Variants in CLIP4 observed in about 807,000 individuals in gnomAD.
CLIP4 encodes the protein CAP-Gly domain containing linker protein family member 4, also known as CAP-Gly domain-containing linker protein 4.
Under a neutral mutation model 73.1 loss-of-function variants are expected in CLIP4, and 47 were observed. The observed-to-expected ratio is 0.64, with a 90% confidence interval of 0.51 to 0.82. The LOEUF is 0.82. CLIP4 is among the 40% of genes least tolerant of loss of function. CLIP4 has a pLI of 0.00. For missense variants in CLIP4, 874 were observed against 852.9 expected, an observed-to-expected ratio of 1.02 and a Z score of -0.31; for synonymous variants, 306 against 295.4, an observed-to-expected ratio of 1.04 and a Z score of -0.37.
At chr2:29,165,375 G>A (rs1667541539) in intron 13 of CLIP4, among the ~76,000 whole-genome samples, 1 of 151,936 alleles carries the variant, frequency 6.6e-6, no homozygotes, top group African/African-American at 2.4e-5. Context: ...CCTGTTTACT[G>A]CTCTCCAGTA....
Position 29,172,353 on chromosome 2 carries a change from G to T in CLIP4, c.1724-2020G>T, listed in dbSNP as rs139960900. ...ATTTCTTTTAGAAAGGGTCTGTTGG[G>T]TAACAAACTCTTTGTTTTTGTCTTT... On this transcript the variant is annotated intron_variant, in intron 14 of 15. Coordinates refer to ENST00000320081, the MANE Select transcript of CLIP4 (RefSeq NM_024692.6). Among the ~76,000 whole-genome samples the T allele has an allele frequency of 1.3e-3, 202 of 152,162 alleles. 1 individual carries two copies. The highest frequency in any genetic ancestry group is 4.4e-3 in the African/African-American group (184 of 41,528).
intron 1 of CLIP4, among the ~76,000 whole-genome samples, chr2:29,099,714 G>A (rs1365335103): frequency 6.6e-6 from 1 of 152,168 alleles, no homozygotes; most frequent in African/African-American, 2.4e-5. Context: ...GAATCAGTTT[G>A]TCAACATGTA....
At chr2:29,165,640 C>T (rs564621189) in intron 13 of CLIP4, among the ~76,000 whole-genome samples, 1 of 152,164 alleles carries the variant, frequency 6.6e-6, no homozygotes, top group Non-Finnish European at 1.5e-5. Flanking sequence ...TTACTTTGGG[C>T]ATATCTTCAT....
intron 1 of CLIP4, among the ~76,000 whole-genome samples, chr2:29,098,217 T>C (rs1667932911): frequency 6.6e-6 from 1 of 152,238 alleles, no homozygotes; most frequent in Non-Finnish European, 1.5e-5. Context: ...CTTTTTTTCT[T>C]CTTACGATCA....
At chr2:29,108,497 T>C (rs1254321820) in intron 1 of CLIP4, among the ~76,000 whole-genome samples, 2 of 152,194 alleles carry the variant, frequency 1.3e-5, no homozygotes, top group African/African-American at 4.8e-5. Context: ...AACTTATGAA[T>C]TGTTTACTTC....
At chr2:29,156,332 G>C in intron 9 of CLIP4, 22 bp from the exon 10 acceptor site, 1 of 1,505,826 alleles carries the variant, frequency 6.6e-7, no homozygotes, top group Non-Finnish European at 9.0e-7. Context: ...CTTGCTTAAA[G>C]TGTTTTATTT....
intron 2 of CLIP4, among the ~76,000 whole-genome samples, chr2:29,124,017 T>G: frequency 6.6e-6 from 1 of 152,348 alleles, no homozygotes; most frequent in Admixed American, 6.5e-5. Flanking sequence ...TGCTTAAACA[T>G]TGAATTATCT....
intron 14 of CLIP4, 70 bp from the exon 15 acceptor site, chr2:29,174,303 T>TAAAAAA: frequency 7.9e-7 from 1 of 1,260,578 alleles, no homozygotes; most frequent in Non-Finnish European, 1.1e-6. Flanking sequence ...GAAGAAGTGA[T>TAAAAAA]AAAATATCAT....
intron 1 of CLIP4, among the ~76,000 whole-genome samples, chr2:29,107,304 G>A (rs940730862): frequency 1.2e-4 from 18 of 147,636 alleles, no homozygotes; most frequent in Non-Finnish European, 2.4e-4. Context: ...GTGTGTGTGT[G>A]TGCATGTGAT....
chr2:29,133,131 T>C (rs1665098452), intron 4 of CLIP4, among the ~76,000 whole-genome samples: 1 of 152,190 alleles, frequency 6.6e-6, no homozygotes, highest in South Asian at 2.1e-4. Context: ...AGGGTTGGCG[T>C]GAGCTGTGAT....
chr2:29,140,696 A>G (rs1665703674), intron 6 of CLIP4, among the ~76,000 whole-genome samples: 1 of 152,178 alleles, frequency 6.6e-6, no homozygotes, highest in Non-Finnish European at 1.5e-5. Flanking sequence ...AGTCCCACCA[A>G]CAGTGTAAAA....
intron 1 of CLIP4, among the ~76,000 whole-genome samples, chr2:29,120,746 T>C (rs1002539530): frequency 6.6e-6 from 1 of 152,148 alleles, no homozygotes; most frequent in African/African-American, 2.4e-5. Context: ...TAAGCACTCA[T>C]GTTTTCTGGG....
At chr2:29,160,234 A>T in intron 11 of CLIP4, 99 bp from the exon 12 acceptor site, 2 of 1,410,908 alleles carry the variant, frequency 1.4e-6, no homozygotes, top group Non-Finnish European at 2.0e-6. Flanking sequence ...TAGAATACCT[A>T]GTGTGATTTT....
intron 14 of CLIP4, among the ~76,000 whole-genome samples, chr2:29,173,482 C>A (rs986217723): frequency 1.6e-4 from 25 of 152,300 alleles, no homozygotes; most frequent in African/African-American, 5.5e-4. Context: ...CCTGTGCAGC[C>A]AGTAAGGTGA....
At chr2:29,152,575 G>T in intron 8 of CLIP4, 110 bp from the exon 9 acceptor site, 1 of 1,088,610 alleles carries the variant, frequency 9.2e-7, no homozygotes, top group South Asian at 1.7e-5. Context: ...AGGACATGCA[G>T]TGGGCACTAA....
At position 29,152,674 on chromosome 2, in the gene CLIP4, T is replaced by C. The variant is rs772511582; in HGVS notation, c.1022-11T>C. On this transcript the variant is annotated splice_polypyrimidine_tract_variant and intron_variant, in intron 8 of 15. Transcript: ENST00000320081. The stretch of plus-strand genomic sequence containing the variant: ...AATTGTTTAACACTAAAATTCTGCA[T>C]TCTCCCTTAGGTATTTTTGCACCTC... The C allele has an allele frequency of 1.2e-5, 20 of 1,610,304 alleles. No homozygotes were observed. Among genetic ancestry groups the C allele is most frequent in the Non-Finnish European group, 1.5e-5 (18 of 1,178,552 alleles).
chr2:29,153,669 A>G (rs946619029), intron 9 of CLIP4, among the ~76,000 whole-genome samples: 14 of 152,334 alleles, frequency 9.2e-5, no homozygotes, highest in East Asian at 3.9e-4. Context: ...CAGGTGCTCA[A>G]TAAACACTTG....
intron 1 of CLIP4, among the ~76,000 whole-genome samples, chr2:29,103,701 T>G (rs770697181): frequency 6.9e-6 from 1 of 144,210 alleles, no homozygotes; most frequent in South Asian, 2.2e-4. Context: ...GTTTTTTTTT[T>G]GTTTTTGTTC....
intron 8 of CLIP4, among the ~76,000 whole-genome samples, chr2:29,146,584 T>C (rs1229932497): frequency 6.6e-6 from 1 of 152,230 alleles, no homozygotes; most frequent in Non-Finnish European, 1.5e-5. Flanking sequence ...TGTGAATACT[T>C]TTCCTTGAAA....
Sources: gnomAD v4.1 joint callset for allele counts (sites outside exome capture counted in the v4.1 genomes callset) on GRCh38, gnomAD v4.1.1 for gene constraint, MANE v1.5 for transcripts, NCBI Gene and HGNC (gene_info 2026-07-23, HGNC 2026-07-21) for gene names.